MYO7A: variants seen among roughly 807,000 people sequenced by gnomAD.
MYO7A encodes unconventional myosin-VIIa.
In MYO7A, 210 loss-of-function variants were observed where a neutral mutation model predicts 263.8. That is an observed-to-expected ratio of 0.80 (90% CI 0.71 to 0.89). MYO7A has a LOEUF of 0.89. MYO7A is among the 40% of genes least tolerant of loss of function. The pLI, the probability that MYO7A is intolerant of heterozygous loss-of-function variation, is 0.00. For missense variants in MYO7A, 2,820 were observed against 2,968.3 expected, an observed-to-expected ratio of 0.95 and a Z score of 1.16; for synonymous variants, 1,239 against 1,197.3, an observed-to-expected ratio of 1.03 and a Z score of -0.72.
At chr11:77,157,420 G>T in intron 8 of MYO7A, 28 bp downstream of exon 8, 3 of 1,509,766 alleles carry the variant, frequency 2.0e-6, no homozygotes, top group Non-Finnish European at 1.8e-6. Flanking sequence ...CCCTGGGTAG[G>T]GGGGCACCCA....
At chr11:77,200,481 G>A (rs968753068) in intron 35 of MYO7A, among the ~76,000 whole-genome samples, 20 of 152,244 alleles carry the variant, frequency 1.3e-4, no homozygotes, top group Admixed American at 3.3e-4. Context: ...CCGTGAGCAC[G>A]GCACCACACT....
intron 18 of MYO7A, 31 bp downstream of exon 18, chr11:77,175,495 T>TGG (rs112571133): frequency 1.3e-6 from 2 of 1,591,260 alleles, no homozygotes; most frequent in African/African-American, 1.3e-5. Context: ...TGGGCTGCCC[T>TGG]GGGGGGGCTG....
chr11:77,205,339 A>G, intron 39 of MYO7A, 123 bp from the exon 40 acceptor site: 4 of 1,192,042 alleles, frequency 3.4e-6, no homozygotes, highest in Admixed American at 2.4e-5. Flanking sequence ...GGTAAAGGTC[A>G]GGAGGGACGG....
chr11:77,189,999 C>T (rs1442129162), intron 28 of MYO7A, 21 bp from the exon 29 acceptor site: 5 of 1,517,580 alleles, frequency 3.3e-6, no homozygotes, highest in Non-Finnish European at 4.4e-6. Flanking sequence ...GGGGCCGCCT[C>T]AGCGGGTACT....
At chr11:77,163,738 T>C (rs1371773251) in intron 14 of MYO7A, among the ~76,000 whole-genome samples, 1 of 152,216 alleles carries the variant, frequency 6.6e-6, no homozygotes, top group Non-Finnish European at 1.5e-5. Context: ...TCATCCACGT[T>C]GTAGCATGTA....
chr11:77,193,204 G>T lies in MYO7A; in HGVS notation c.4152+926G>T, dbSNP rs567289050. ...GTAGTGATGTTAGTGATGAGGTATT[G>T]TTGGTACTGATGACTATGGTAATAT... On this transcript the variant is annotated intron_variant, in intron 31 of 48. Coordinates refer to ENST00000409709, the MANE Select transcript of MYO7A (RefSeq NM_000260.4). 3.1e-5 allele frequency among the ~76,000 whole-genome samples: 4 copies of T among 127,312 alleles called. No individual in the cohort carries two copies. The South Asian group carries it at 1.1e-3, about 34-fold the overall frequency. 83.5% of individuals were successfully genotyped at this position (127,312 alleles called of 152,430 possible).
Position 77,199,724 on chromosome 11 carries a change from T to C in MYO7A, c.4758T>C (p.Asn1586=), listed in dbSNP as rs1956929759. The change falls in exon 35 of 49, where the codon AAT becomes AAC. Residue 1586 remains asparagine (N), a synonymous_variant. Transcript: ENST00000409709. ...ACGAATACACCTTCACCTCCAGCAATGCTGAGGACATTCGTGACCTGGTGG... is the reference window on the plus strand; with the variant it reads ...ACGAATACACCTTCACCTCCAGCAACGCTGAGGACATTCGTGACCTGGTGG... ...KGDEYTFTSS[N]AEDIRDLVVT... 1.2e-6 allele frequency: 2 copies of C among 1,613,610 alleles called. No individual in the cohort carries two copies. The highest frequency in any genetic ancestry group is 1.7e-6 in the Non-Finnish European group (2 of 1,179,762).
At chr11:77,191,983 GC>G in intron 30 of MYO7A, 67 bp from the exon 31 acceptor site, 1 of 1,393,358 alleles carries the variant, frequency 7.2e-7, no homozygotes, top group Non-Finnish European at 9.9e-7. Context: ...CTGACCGTTG[GC>G]CCCGTTGAGG....
At chr11:77,210,807 G>A (rs762406390) in intron 44 of MYO7A, 8 of 194,492 alleles carry the variant, frequency 4.1e-5, no homozygotes, top group African/African-American at 7.0e-5. Context: ...GGCCCAGGAG[G>A]TGAGGGGTAT....
Position 77,130,617 on chromosome 11 carries a change from A to G in MYO7A, c.-18A>G. The G allele has an allele frequency of 6.2e-7, 1 of 1,613,008 alleles. No individual in the cohort carries two copies. Among genetic ancestry groups the G allele is most frequent in the African/African-American group, 1.3e-5 (1 of 75,028 alleles). Reference sequence around the variant, plus strand: ...TGTGCCTGGCCCAGTGGGCAGCAGGAGCTCCTGACTTGGGACCATGGTGAT... The same window carrying G: ...TGTGCCTGGCCCAGTGGGCAGCAGGGGCTCCTGACTTGGGACCATGGTGAT... On this transcript the variant is annotated 5_prime_UTR_variant, in exon 2 of 49. Coordinates refer to ENST00000409709, the MANE Select transcript of MYO7A (RefSeq NM_000260.4).
chr11:77,174,653 G>A (rs782519898), intron 16 of MYO7A, 103 bp from the exon 17 acceptor site: 25 of 1,252,686 alleles, frequency 2.0e-5, no homozygotes, highest in Non-Finnish European at 2.8e-5. Flanking sequence ...ATGCCGTGTG[G>A]ACTTGGCCTT....
At chr11:77,179,677 G>T in intron 20 of MYO7A, 58 bp from the exon 21 acceptor site, 1 of 1,443,726 alleles carries the variant, frequency 6.9e-7, no homozygotes, top group Non-Finnish European at 9.3e-7. Flanking sequence ...GCTCCTGCAG[G>T]CAGGGTCAGT....
intron 12 of MYO7A, 78 bp from the exon 13 acceptor site, chr11:77,162,042 A>T: frequency 3.1e-6 from 4 of 1,304,740 alleles, no homozygotes; most frequent in Non-Finnish European, 3.2e-6. Flanking sequence ...GCCATGCTGC[A>T]GGTGGAGGCA....
intron 16 of MYO7A, 92 bp from the exon 17 acceptor site, chr11:77,174,664 T>G (rs779502483): frequency 1.4e-5 from 19 of 1,399,440 alleles, no homozygotes; most frequent in Non-Finnish European, 1.8e-5. Context: ...ACTTGGCCTT[T>G]CTGAGCCTTT....
intron 16 of MYO7A, among the ~76,000 whole-genome samples, chr11:77,173,749 C>T (rs896080884): frequency 2.6e-5 from 4 of 152,114 alleles, no homozygotes; most frequent in Admixed American, 2.0e-4. Context: ...GCTGCAAGAC[C>T]GTCCCCTCCT....
intron 26 of MYO7A, 59 bp from the exon 27 acceptor site, chr11:77,184,529 C>T (rs1362815145): frequency 3.4e-6 from 5 of 1,476,266 alleles, no homozygotes; most frequent in Non-Finnish European, 4.6e-6. Context: ...GTGCTGGTGC[C>T]CTGGCTGGCA....
At chr11:77,140,748 T>C (rs1247113503) in intron 2 of MYO7A, among the ~76,000 whole-genome samples, 1 of 152,214 alleles carries the variant, frequency 6.6e-6, no homozygotes, top group Non-Finnish European at 1.5e-5. Context: ...GTTTACGGGA[T>C]GCAGCCTGTG....
At position 77,204,086 on chromosome 11, in the gene MYO7A, G is replaced by A. The variant is rs919861132; in HGVS notation, c.5337G>A (p.Lys1779=). The A allele has an allele frequency of 3.1e-6, 5 of 1,600,678 alleles. No homozygotes were observed. In the African/African-American group the frequency reaches 6.7e-5, roughly 21 times the overall value. Residue 1779 remains lysine, a synonymous_variant, in exon 39 of 49, where the codon AAG becomes AAA. Coordinates refer to ENST00000409709, the MANE Select transcript of MYO7A (RefSeq NM_000260.4). Reference sequence around the variant, plus strand: ...CTTGACAGTCCCCAGCTGTGCTCAAGTACATGGGCGACTACCCGTCCAAGA... The same window carrying A: ...CTTGACAGTCCCCAGCTGTGCTCAAATACATGGGCGACTACCCGTCCAAGA... ...EACLAFIAVL[K]YMGDYPSKRT...
chr11:77,138,519 G>A lies in MYO7A; in HGVS notation c.19-4190G>A, dbSNP rs1369655767. ...AGCTGGGCGGGCCACAAACAGGGTC[G>A]CTAGGCTTCAGGGTGTGCATGGACT... On this transcript the variant is annotated intron_variant, in intron 2 of 48. Coordinates refer to ENST00000409709, the MANE Select transcript of MYO7A (RefSeq NM_000260.4). The surrounding 1 kb of genome is among the most constrained non-coding windows in gnomAD (Gnocchi z 4.9). Among the ~76,000 whole-genome samples the A allele has an allele frequency of 1.3e-5, 2 of 152,230 alleles. No homozygotes were observed. Among genetic ancestry groups the A allele is most frequent in the Non-Finnish European group, 2.9e-5 (2 of 68,026 alleles).
Sources: gnomAD v4.1 joint callset for allele counts (sites outside exome capture counted in the v4.1 genomes callset) on GRCh38, gnomAD v4.1.1 for gene constraint, Gnocchi (gnomAD v3.1) non-coding constraint, MANE v1.5 for transcripts, NCBI Gene and HGNC (gene_info 2026-07-23, HGNC 2026-07-21) for gene names.